The following ACYP2 variants were observed in gnomAD, a reference collection of about 807,000 sequenced individuals.
ACYP2 encodes acylphosphatase 2.
ACYP2 carries 12 observed loss-of-function variants against 11.2 expected under a neutral mutation model. That is an observed-to-expected ratio of 1.08 (90% CI 0.69 to 1.74). The LOEUF is 1.74. Ranked by LOEUF, ACYP2 falls within the 40% of genes most tolerant of loss-of-function variation. The pLI, the probability that ACYP2 is intolerant of heterozygous loss-of-function variation, is 0.00. For missense variants in ACYP2, 134 were observed against 101.9 expected, an observed-to-expected ratio of 1.31 and a Z score of -1.35; for synonymous variants, 43 against 32.2, an observed-to-expected ratio of 1.33 and a Z score of -1.13.
In ACYP2 at chr2:54,010,737, C is replaced by CTTT. The variant is rs539896151; in HGVS notation, c.62+36953_62+36955dup. ...CTTCGGTTTCTCTTTTTCTTTCTTT[C>CTTT]TTTTTTTTTTTTTTTTTTTTTTTTT... is the stretch of plus-strand genomic sequence containing the variant. On this transcript the variant is annotated intron_variant, in intron 2 of 6. Transcript: ENST00000607452. Among the ~76,000 whole-genome samples the CTTT allele has an allele frequency of 8.8e-4, 95 of 107,634 alleles. 10 individuals carry two copies. Among genetic ancestry groups the CTTT allele is most frequent in the African/African-American group, 1.6e-3 (44 of 27,082 alleles). 70.6% of individuals were successfully genotyped at this position (107,634 alleles called of 152,430 possible). A position where few individuals can be genotyped will look rare whatever the true frequency, so the allele number is the denominator to read the frequency against.
chr2:54,125,804 G>A (rs1014414905), intron 4 of ACYP2, among the ~76,000 whole-genome samples: 1 of 150,050 alleles, frequency 6.7e-6, no homozygotes, highest in Non-Finnish European at 1.5e-5. Context: ...GATTCAGGCT[G>A]GGCACAGTGG....
In ACYP2 at chr2:54,250,505, C is replaced by G. The variant is rs556486667; in HGVS notation, c.405-54183C>G. 3.3e-5 allele frequency among the ~76,000 whole-genome samples: 5 copies of G among 152,158 alleles called. No individual in the cohort carries two copies. The South Asian group carries it at 1.0e-3, about 32-fold the overall frequency. On this transcript the variant is annotated intron_variant, in intron 6 of 6. Transcript: ENST00000607452. ...GGGGGGCGTTGAAAGTATCTTCTAT[C>G]TCATATGTTGATAGCTACCAATAGC...
At chr2:54,125,477 C>T (rs996958421) in intron 4 of ACYP2, among the ~76,000 whole-genome samples, 18 of 152,254 alleles carry the variant, frequency 1.2e-4, no homozygotes, top group African/African-American at 2.2e-4. Flanking sequence ...TGGCCAGGCA[C>T]GGTGGTTCAT....
At chr2:54,083,531 C>T (rs1677779970) in intron 4 of ACYP2, among the ~76,000 whole-genome samples, 1 of 152,114 alleles carries the variant, frequency 6.6e-6, no homozygotes, top group African/African-American at 2.4e-5. Flanking sequence ...AGAGAACAGC[C>T]ATTGTTGGTG....
intron 6 of ACYP2, among the ~76,000 whole-genome samples, chr2:54,201,614 T>TTGTTTCTTTCTTTC (rs1558608559): frequency 4.6e-5 from 4 of 86,242 alleles, no homozygotes; most frequent in Non-Finnish European, 9.4e-5. Flanking sequence ...CTTTCTTTCT[T>TTGTTTCTTTCTTTC]TCTTTCTTTG....
chr2:54,220,786 G>T (rs1303203174), intron 6 of ACYP2, among the ~76,000 whole-genome samples: 4 of 152,116 alleles, frequency 2.6e-5, no homozygotes, highest in Non-Finnish European at 5.9e-5. Flanking sequence ...TTAGTGCCTT[G>T]TGTCTTTAGA....
At chr2:54,013,376 C>A (rs1673499394) in intron 2 of ACYP2, among the ~76,000 whole-genome samples, 1 of 151,222 alleles carries the variant, frequency 6.6e-6, no homozygotes, top group Non-Finnish European at 1.5e-5. Flanking sequence ...TCTCGGCTCA[C>A]TGCAACCTGT....
At chr2:54,143,758 G>GT (rs386417903) in intron 6 of ACYP2, among the ~76,000 whole-genome samples, 1 of 75,018 alleles carries the variant, frequency 1.3e-5, no homozygotes, top group African/African-American at 5.6e-5. Flanking sequence ...TTTTTTTTTT[G>GT]GGGGGGGGGT....
At chr2:54,026,125 A>G (rs930169320) in intron 2 of ACYP2, among the ~76,000 whole-genome samples, 3 of 152,120 alleles carry the variant, frequency 2.0e-5, no homozygotes, top group Non-Finnish European at 4.4e-5. Context: ...TCAACAAACA[A>G]ACAAACAGAT....
intron 6 of ACYP2, among the ~76,000 whole-genome samples, chr2:54,218,251 C>G (rs1685639474): frequency 6.6e-6 from 1 of 152,184 alleles, no homozygotes. Context: ...GTTAACATAT[C>G]TATGAGACTG....
At chr2:54,012,975 G>C (rs535698267) in intron 2 of ACYP2, among the ~76,000 whole-genome samples, 2 of 152,216 alleles carry the variant, frequency 1.3e-5, no homozygotes, top group South Asian at 4.1e-4. Context: ...GCTCTTAGCT[G>C]TTCCTTGAAT....
At chr2:54,210,263 G>T (rs11886559) in intron 6 of ACYP2, among the ~76,000 whole-genome samples, 36,279 of 150,434 alleles carry the variant, frequency 0.24, 4,493 homozygotes, top group East Asian at 0.38. Context: ...TTGAGAAATA[G>T]ATCCCATCCT....
chr2:54,029,805 G>A (rs1674486311), intron 2 of ACYP2: 2 of 556,860 alleles, frequency 3.6e-6, no homozygotes, highest in Admixed American at 2.1e-5. Context: ...ACACTTGGGG[G>A]GCATTCCTAT....
At chr2:53,983,847 TG>T (rs1325071682) in intron 2 of ACYP2, among the ~76,000 whole-genome samples, 1 of 152,120 alleles carries the variant, frequency 6.6e-6, no homozygotes, top group Non-Finnish European at 1.5e-5. Flanking sequence ...GAGTTTTCAA[TG>T]GGCCCAGTTA....
At chr2:54,115,788 A>C in intron 4 of ACYP2, 32 bp downstream of exon 1, 2 of 1,578,192 alleles carry the variant, frequency 1.3e-6, no homozygotes, top group Non-Finnish European at 1.7e-6. Flanking sequence ...GGAGATCAAA[A>C]AGGTTATGGG....
intron 2 of ACYP2, among the ~76,000 whole-genome samples, chr2:54,023,953 A>T (rs1402206194): frequency 1.3e-5 from 2 of 152,210 alleles, no homozygotes; most frequent in Admixed American, 6.5e-5. Context: ...GGAAGCCAGT[A>T]TCACACTAAA....
chr2:54,117,111 G>A (rs988750367), intron 4 of ACYP2, among the ~76,000 whole-genome samples: 1 of 152,120 alleles, frequency 6.6e-6, no homozygotes, highest in Non-Finnish European at 1.5e-5. Context: ...CGAGCATACT[G>A]ACATACTGAT....
At chr2:54,274,403 G>C (rs555548985) in intron 6 of ACYP2, among the ~76,000 whole-genome samples, 2 of 152,154 alleles carry the variant, frequency 1.3e-5, no homozygotes, top group South Asian at 4.2e-4. Flanking sequence ...CACTTTGGGA[G>C]GCTGAGGTGG....
intron 6 of ACYP2, among the ~76,000 whole-genome samples, chr2:54,260,825 G>A (rs188671652): frequency 6.6e-6 from 1 of 152,216 alleles, no homozygotes; most frequent in African/African-American, 2.4e-5. Context: ...TAGTCTATGT[G>A]TATATTGAAA....
Sources: allele counts gnomAD v4.1 joint callset (sites outside exome capture counted in the v4.1 genomes callset), GRCh38; gene constraint gnomAD v4.1.1; transcripts MANE v1.5; gene names NCBI Gene and HGNC (gene_info 2026-07-23, HGNC 2026-07-21).